Variants in CERS3 observed in about 807,000 individuals in gnomAD.
The protein encoded by CERS3 is ceramide synthase 3.
Under a neutral mutation model 50.3 loss-of-function variants are expected in CERS3, and 33 were observed. The observed-to-expected ratio is 0.66, with a 90% CI of 0.50 to 0.88. The LOEUF (loss-of-function observed/expected upper bound fraction) is 0.88. CERS3 is among the 40% of genes least tolerant of loss of function. The pLI is 0.00. For synonymous variants in CERS3, 176 were observed against 155.2 expected, an observed-to-expected ratio of 1.13 and a Z score of -0.99; for missense variants, 470 against 460.3, an observed-to-expected ratio of 1.02 and a Z score of -0.19.
At chr15:100,483,781 A>ATTTTTTTTTTTTTTTTTTT (rs1267906519) in intron 5 of CERS3, among the ~76,000 whole-genome samples, 3 of 77,618 alleles carry the variant, frequency 3.9e-5, no homozygotes, top group East Asian at 3.6e-4. Context: ...AATAATTATT[A>ATTTTTTTTTTTTTTTTTTT]TTATTATTTT....
At position 100,404,987 on chromosome 15, in the gene CERS3, A is replaced by G. The variant is rs114031013; in HGVS notation, c.1000-2122T>C. 5.2e-3 allele frequency among the ~76,000 whole-genome samples: 794 copies of G among 152,286 alleles called. 7 individuals carry two copies. Among genetic ancestry groups the G allele is most frequent in the African/African-American group, 0.018 (762 of 41,558 alleles). ...AGCCAGCTTAATGGATCTAAATGTA[A>G]AATATAAAACTTTAAAACTTTTAGA... On this transcript the variant is annotated intron_variant, in intron 11 of 11. Transcript: ENST00000679737.
At chr15:100,507,314 T>C (rs565830252) in intron 2 of CERS3, among the ~76,000 whole-genome samples, 2 of 152,250 alleles carry the variant, frequency 1.3e-5, no homozygotes, top group East Asian at 1.9e-4. Flanking sequence ...CATAAGCCAA[T>C]ATTTCAGCTC....
At chr15:100,432,071 GTT>G (rs56404482) in intron 11 of CERS3, among the ~76,000 whole-genome samples, 18 of 149,216 alleles carry the variant, frequency 1.2e-4, no homozygotes, top group Admixed American at 6.7e-4. Flanking sequence ...GCCCTCTTTT[GTT>G]TTTTTTTTTA....
chr15:100,415,727 G>T (rs554157037), intron 11 of CERS3, among the ~76,000 whole-genome samples: 2 of 152,262 alleles, frequency 1.3e-5, no homozygotes, highest in East Asian at 3.9e-4. Flanking sequence ...ACTCATAAGT[G>T]AGAGTTGAAC....
intron 2 of CERS3, among the ~76,000 whole-genome samples, chr15:100,514,996 C>G (rs190170456): frequency 6.6e-6 from 1 of 152,140 alleles, no homozygotes; most frequent in East Asian, 1.9e-4. Flanking sequence ...TATGAAGAAA[C>G]TGAGTCCCAG....
At chr15:100,489,184 T>G (rs532483303) in intron 4 of CERS3, among the ~76,000 whole-genome samples, 1 of 152,354 alleles carries the variant, frequency 6.6e-6, no homozygotes, top group Admixed American at 6.5e-5. Context: ...GCACCAGTCT[T>G]TAAAATATAT....
chr15:100,405,895 T>C (rs2030989312), intron 11 of CERS3, among the ~76,000 whole-genome samples: 1 of 152,276 alleles, frequency 6.6e-6, no homozygotes, highest in East Asian at 1.9e-4. Flanking sequence ...CCACTAACAC[T>C]TGCAAAGTAA....
intron 1 of CERS3, among the ~76,000 whole-genome samples, chr15:100,534,124 A>C (rs2037012518): frequency 6.6e-6 from 1 of 152,170 alleles, no homozygotes; most frequent in Non-Finnish European, 1.5e-5. Flanking sequence ...GGCTGGCCAG[A>C]TGGGTAATGG....
At position 100,469,604 on chromosome 15, in the gene CERS3, G is replaced by C. The variant is rs945836665; in HGVS notation, c.739-120C>G. 1.8e-5 allele frequency: 12 copies of C among 677,974 alleles called. No homozygotes were observed. The African/African-American group carries it at 2.0e-4, about 11-fold the overall frequency. The allele number at this position is 677,974 out of a possible 1,614,324, so 42.0% of individuals were successfully genotyped here. ...TTCAAAACAATCTGGGTGGAAAGTA[G>C]GGGGTACAGGTGGGGCAATAGATAA... is the stretch of plus-strand genomic sequence containing the variant. On this transcript the variant is annotated intron_variant, in intron 9 of 11. Transcript: ENST00000679737.
intron 11 of CERS3, among the ~76,000 whole-genome samples, chr15:100,435,002 G>A (rs919187600): frequency 6.6e-6 from 1 of 152,154 alleles, no homozygotes; most frequent in Non-Finnish European, 1.5e-5. Flanking sequence ...ATGGTCTGTG[G>A]TTCTGAGGAC....
At chr15:100,409,483 A>G (rs2031308766) in intron 11 of CERS3, among the ~76,000 whole-genome samples, 1 of 152,230 alleles carries the variant, frequency 6.6e-6, no homozygotes, top group South Asian at 2.1e-4. Context: ...ATTCTGAGAA[A>G]AACCATATCG....
At chr15:100,460,237 C>A (rs1456361818) in intron 10 of CERS3, among the ~76,000 whole-genome samples, 1 of 152,092 alleles carries the variant, frequency 6.6e-6, no homozygotes, top group Non-Finnish European at 1.5e-5. Flanking sequence ...TACTTAGATA[C>A]CATGTCACTT....
In CERS3 at chr15:100,463,435, GAAAAAA is replaced by G. The variant is rs71151951; in HGVS notation, c.845+5937_845+5942del. On this transcript the variant is annotated intron_variant, in intron 10 of 11. Transcript: ENST00000679737. ...GGCAACAGAGTGAGACTCTGTCTCAGAAAAAAAAAAAAAAAAAAAAAATTCTAAATA... is the reference window on the plus strand; with the variant it reads ...GGCAACAGAGTGAGACTCTGTCTCAGAAAAAAAAAAAAAAAATTCTAAATA... Among the ~76,000 whole-genome samples the G allele has an allele frequency of 2.0e-3, 181 of 92,654 alleles. 1 individual carries two copies. Among genetic ancestry groups the G allele is most frequent in the South Asian group, 7.2e-3 (16 of 2,230 alleles). 60.8% of individuals were successfully genotyped at this position (92,654 alleles called of 152,430 possible).
chr15:100,452,291 T>A (rs1194401839), intron 11 of CERS3, among the ~76,000 whole-genome samples: 2 of 152,156 alleles, frequency 1.3e-5, no homozygotes, highest in African/African-American at 4.8e-5. Flanking sequence ...TAGACCACAA[T>A]GGATTAGAAC....
Position 100,402,411 on chromosome 15 carries a change from G to T in CERS3, c.*302C>A. ...GCGAGGCGAAAGGGTCTATAACAAAGCGAGCCCCTGAGAAAGTGACATGCA... is the reference window on the plus strand; with the variant it reads ...GCGAGGCGAAAGGGTCTATAACAAATCGAGCCCCTGAGAAAGTGACATGCA... On this transcript the variant is annotated 3_prime_UTR_variant, in exon 12 of 12. Coordinates refer to ENST00000679737, the MANE Select transcript of CERS3 (RefSeq NM_001378789.1). 3.1e-6 allele frequency: 1 copy of T among 327,018 alleles called. No individual in the cohort carries two copies. Among genetic ancestry groups the T allele is most frequent in the Non-Finnish European group, 5.6e-6 (1 of 177,934 alleles). The allele number at this position is 327,018 out of a possible 1,614,324, so 20.3% of individuals were successfully genotyped here.
chr15:100,463,343 G>A (rs1349671925), intron 10 of CERS3, among the ~76,000 whole-genome samples: 4 of 146,064 alleles, frequency 2.7e-5, no homozygotes, highest in Non-Finnish European at 6.0e-5. Flanking sequence ...GCTGAGGCAG[G>A]AGAATCGCTT....
intron 11 of CERS3, among the ~76,000 whole-genome samples, chr15:100,432,650 T>C (rs572211814): frequency 6.6e-6 from 1 of 152,166 alleles, no homozygotes; most frequent in Non-Finnish European, 1.5e-5. Context: ...ATTTAAATAA[T>C]CTGGATAAAA....
intron 2 of CERS3, among the ~76,000 whole-genome samples, chr15:100,511,350 A>G (rs911497090): frequency 1.3e-5 from 2 of 152,216 alleles, no homozygotes; most frequent in African/African-American, 4.8e-5. Flanking sequence ...GGGAGAAAAT[A>G]TCTGCAACAC....
At chr15:100,506,947 T>C (rs1207062277) in intron 2 of CERS3, among the ~76,000 whole-genome samples, 1 of 152,216 alleles carries the variant, frequency 6.6e-6, no homozygotes, top group African/African-American at 2.4e-5. Context: ...ATGTAAATTA[T>C]ACCTCCAAAA....
Sources: gnomAD v4.1 joint callset for allele counts (sites outside exome capture counted in the v4.1 genomes callset) on GRCh38, gnomAD v4.1.1 for gene constraint, MANE v1.5 for transcripts, NCBI Gene and HGNC (gene_info 2026-07-23, HGNC 2026-07-21) for gene names.